PCDH9: variants seen among roughly 807,000 people sequenced by gnomAD.
The protein encoded by PCDH9 is protocadherin-9.
A neutral mutation model predicts 70.6 loss-of-function variants in PCDH9; 24 were observed. The ratio of observed to expected loss-of-function variants is 0.34; its 90% CI spans 0.25 to 0.48. The LOEUF is 0.48. PCDH9 is among the 20% of genes least tolerant of loss of function. PCDH9 has a pLI of 0.99. For missense variants in PCDH9, 1,281 were observed against 1,503.6 expected, an observed-to-expected ratio of 0.85 and a Z score of 2.45; for synonymous variants, 562 against 558.5, an observed-to-expected ratio of 1.01 and a Z score of -0.09.
intron 3 of PCDH9, among the ~76,000 whole-genome samples, chr13:66,730,804 G>C (rs1024655588): frequency 6.7e-6 from 1 of 149,198 alleles, no homozygotes; most frequent in African/African-American, 2.5e-5. Flanking sequence ...TCAGCCTCCT[G>C]AGTAAGTAAG....
chr13:66,749,036 TGAA>T (rs2079416500), intron 3 of PCDH9, among the ~76,000 whole-genome samples: 2 of 152,180 alleles, frequency 1.3e-5, no homozygotes, highest in African/African-American at 4.8e-5. Flanking sequence ...TGCCATTATG[TGAA>T]GAAGGACATG....
At chr13:67,180,599 G>A (rs2088589913) in intron 2 of PCDH9, among the ~76,000 whole-genome samples, 1 of 152,062 alleles carries the variant, frequency 6.6e-6, no homozygotes, top group African/African-American at 2.4e-5. Context: ...GACTCTGCAT[G>A]GCCTATGTCC....
chr13:67,072,441 T>A (rs548217677), intron 2 of PCDH9, among the ~76,000 whole-genome samples: 4 of 152,262 alleles, frequency 2.6e-5, no homozygotes, highest in African/African-American at 9.6e-5. Flanking sequence ...CGCATGACTA[T>A]CCTTAAAAAC....
chr13:66,808,850 C>A (rs1000989094), intron 3 of PCDH9, among the ~76,000 whole-genome samples: 2 of 152,178 alleles, frequency 1.3e-5, no homozygotes, highest in Non-Finnish European at 2.9e-5. Context: ...TTACTAAAAG[C>A]AGATTTGCAT....
chr13:66,756,932 G>T (rs55833780), intron 3 of PCDH9, among the ~76,000 whole-genome samples: 1 of 152,066 alleles, frequency 6.6e-6, no homozygotes, highest in African/African-American at 2.4e-5. Flanking sequence ...TGCCTCCCGG[G>T]TTCAAGCAAT....
chr13:66,339,123 C>T (rs889756200), intron 4 of PCDH9, among the ~76,000 whole-genome samples: 10 of 151,964 alleles, frequency 6.6e-5, no homozygotes, highest in Non-Finnish European at 1.5e-4. Flanking sequence ...AGAGAGAAAA[C>T]GTAACTTCAA....
chr13:66,533,001 C>T (rs183281552), intron 4 of PCDH9, among the ~76,000 whole-genome samples: 13 of 152,224 alleles, frequency 8.5e-5, no homozygotes, highest in Non-Finnish European at 1.6e-4. Context: ...TAAAAGGTCA[C>T]CTTACGGTCT....
rs536007678 is a variant in PCDH9, at chr13:66,958,032, T to C, written c.3037-54427A>G. Among the ~76,000 whole-genome samples, 12 of 152,238 alleles carry C rather than the reference T, an allele frequency of 7.9e-5. No individual in the cohort carries two copies. The South Asian group carries it at 2.3e-3, about 29-fold the overall frequency. On this transcript the variant is annotated intron_variant, in intron 2 of 4. Transcript: ENST00000377865. ...TTTCACCTAACTGGAGAATTCTGGC[T>C]TCAAAAACAAGGAGAAATATGATTG...
chr13:66,564,585 A>G (rs1304373064), intron 4 of PCDH9, among the ~76,000 whole-genome samples: 1 of 152,090 alleles, frequency 6.6e-6, no homozygotes, highest in African/African-American at 2.4e-5. Context: ...ACAAACTAAA[A>G]TCAACAGCCT....
At chr13:66,498,655 C>A (rs115486387) in intron 4 of PCDH9, among the ~76,000 whole-genome samples, 1 of 151,960 alleles carries the variant, frequency 6.6e-6, no homozygotes, top group Admixed American at 6.6e-5. Flanking sequence ...GTAGAGCATG[C>A]CATAATTTAA....
intron 2 of PCDH9, among the ~76,000 whole-genome samples, chr13:67,143,873 C>T (rs557886877): frequency 3.9e-5 from 6 of 152,108 alleles, no homozygotes; most frequent in South Asian, 2.1e-4. Context: ...TTTAGGAAGA[C>T]GATGAAAGGG....
chr13:66,691,357 T>G (rs1380314655), intron 3 of PCDH9, among the ~76,000 whole-genome samples: 1 of 152,122 alleles, frequency 6.6e-6, no homozygotes, highest in African/African-American at 2.4e-5. Flanking sequence ...ATAAATCATT[T>G]TAAAGTGCTA....
At chr13:66,694,974 G>A (rs894859332) in intron 3 of PCDH9, among the ~76,000 whole-genome samples, 13 of 149,300 alleles carry the variant, frequency 8.7e-5, no homozygotes, top group Non-Finnish European at 3.0e-5. Context: ...CGCGATCTCT[G>A]CTCACTGCCA....
chr13:66,383,457 C>T (rs1160091459), intron 4 of PCDH9, among the ~76,000 whole-genome samples: 1 of 152,170 alleles, frequency 6.6e-6, no homozygotes. Context: ...TCATCAAAGT[C>T]AACTTGCTAA....
At chr13:66,889,349 A>T (rs1315864790) in intron 3 of PCDH9, among the ~76,000 whole-genome samples, 1 of 152,144 alleles carries the variant, frequency 6.6e-6, no homozygotes, top group Non-Finnish European at 1.5e-5. Context: ...GAAGAACATA[A>T]TTTTTTTGGT....
intron 4 of PCDH9, among the ~76,000 whole-genome samples, chr13:66,333,932 T>C (rs1055799554): frequency 2.6e-5 from 4 of 152,172 alleles, no homozygotes; most frequent in African/African-American, 9.7e-5. Flanking sequence ...CTCTTACTGA[T>C]ACATAATAAT....
chr13:66,767,886 C>T (rs2079743955), intron 3 of PCDH9, among the ~76,000 whole-genome samples: 2 of 152,054 alleles, frequency 1.3e-5, no homozygotes, highest in Non-Finnish European at 2.9e-5. Context: ...AGAGCTGAAA[C>T]TGCAGAGACT....
At chr13:67,215,583 A>G (rs559163547) in intron 2 of PCDH9, 1 of 152,104 alleles carries the variant, frequency 6.6e-6, no homozygotes, top group East Asian at 1.9e-4. Context: ...TTGCCTTCTC[A>G]TTATTTCCTA....
At chr13:66,668,801 A>G (rs2078132190) in intron 3 of PCDH9, among the ~76,000 whole-genome samples, 1 of 152,178 alleles carries the variant, frequency 6.6e-6, no homozygotes, top group Non-Finnish European at 1.5e-5. Context: ...TGCATACGTC[A>G]GTTCATTATA....
Sources: gnomAD v4.1 joint callset for allele counts (sites outside exome capture counted in the v4.1 genomes callset) on GRCh38, gnomAD v4.1.1 for gene constraint, MANE v1.5 for transcripts, NCBI Gene and HGNC (gene_info 2026-07-23, HGNC 2026-07-21) for gene names.